The following ZFAT variants were observed in gnomAD, a reference collection of about 807,000 sequenced individuals.
ZFAT encodes the protein zinc finger and AT-hook domain containing, also known as zinc finger protein ZFAT.
In ZFAT, 64 loss-of-function variants were observed where a neutral mutation model predicts 117.7. That is an observed-to-expected ratio of 0.54 (90% CI 0.44 to 0.67). The LOEUF (loss-of-function observed/expected upper bound fraction) is 0.67, where lower values mean the gene tolerates loss of function less well. Ranked by LOEUF, ZFAT falls within the 30% of genes least tolerant of loss-of-function variation. The pLI, the probability that ZFAT is intolerant of heterozygous loss-of-function variation, is 0.00. For synonymous variants in ZFAT, 679 were observed against 615.0 expected, an observed-to-expected ratio of 1.10 and a Z score of -1.54; for missense variants, 1,433 against 1,584.5, an observed-to-expected ratio of 0.90 and a Z score of 1.62.
At chr8:134,741,986 C>T in the ZFAT span, among the ~76,000 whole-genome samples, 8 of 152,128 alleles carry the variant, frequency 5.3e-5, no homozygotes, top group African/African-American at 1.9e-4. Context: ...CCCAGCCCCA[C>T]TCCTGAGAAC....
the ZFAT span, among the ~76,000 whole-genome samples, chr8:134,756,010 T>C: frequency 6.6e-6 from 1 of 152,118 alleles, no homozygotes; most frequent in Non-Finnish European, 1.5e-5. Flanking sequence ...TCTGTCTTCC[T>C]TACTGGGATT....
At chr8:134,566,715 C>T (rs150530381) in intron 10 of ZFAT, among the ~76,000 whole-genome samples, 39 of 152,236 alleles carry the variant, frequency 2.6e-4, no homozygotes, top group African/African-American at 9.1e-4. Flanking sequence ...TAGATATTCC[C>T]CCTCCCCTCT....
intron 11 of ZFAT, 184 bp downstream of exon 11, chr8:134,565,149 G>A (rs1244698084): frequency 1.4e-5 from 21 of 1,528,146 alleles, no homozygotes; most frequent in Admixed American, 5.9e-5. Context: ...GCAATGCTAC[G>A]CTTCTGGAAC....
intron 9 of ZFAT, among the ~76,000 whole-genome samples, chr8:134,587,031 G>A (rs1353581650): frequency 6.6e-6 from 1 of 152,134 alleles, no homozygotes; most frequent in African/African-American, 2.4e-5. Context: ...GAGTGCTCAG[G>A]GCATAGGACT....
Position 134,521,017 on chromosome 8 carries a change from G to A in ZFAT, c.3116-16C>T, listed in dbSNP as rs1386461111. ...TTCAAACCACCTGAAAGCACAGACA[G>A]AGGTTAAAAAAAAAATGTGTTCGTA... On this transcript the variant is annotated splice_polypyrimidine_tract_variant and intron_variant, in intron 12 of 15. Coordinates refer to ENST00000377838, the MANE Select transcript of ZFAT (RefSeq NM_020863.4). 1.9e-6 allele frequency: 3 copies of A among 1,592,124 alleles called. No homozygotes were observed. The highest frequency in any genetic ancestry group is 1.7e-5 in the Admixed American group (1 of 57,398).
At chr8:134,696,252 G>A (rs1343990790) in intron 1 of ZFAT, among the ~76,000 whole-genome samples, 1 of 152,204 alleles carries the variant, frequency 6.6e-6, no homozygotes, top group African/African-American at 2.4e-5. Flanking sequence ...CCAGACCCAG[G>A]CCGCATCTCT....
At chr8:134,493,919 A>T (rs1296872308) in intron 15 of ZFAT, among the ~76,000 whole-genome samples, 1 of 152,260 alleles carries the variant, frequency 6.6e-6, no homozygotes, top group Non-Finnish European at 1.5e-5. Flanking sequence ...AGCTGTGCTA[A>T]AACAGTTCAG....
chr8:134,623,052 T>C (rs1182666146), intron 3 of ZFAT, among the ~76,000 whole-genome samples: 1 of 151,998 alleles, frequency 6.6e-6, no homozygotes, highest in Admixed American at 6.5e-5. Context: ...CCCTGATGGC[T>C]CCCCCAGGCC....
intron 1 of ZFAT, among the ~76,000 whole-genome samples, chr8:134,703,942 C>A (rs1834080121): frequency 6.6e-6 from 1 of 152,138 alleles, no homozygotes; most frequent in Admixed American, 6.5e-5. Context: ...AAGTCCCCTG[C>A]CATATGCCAG....
Position 134,478,384 on chromosome 8 carries a change from A to C in ZFAT, c.*98T>G. 1.4e-6 allele frequency: 2 copies of C among 1,474,398 alleles called. No individual in the cohort carries two copies. Among genetic ancestry groups the C allele is most frequent in the Non-Finnish European group, 1.8e-6 (2 of 1,108,356 alleles). 91.3% of individuals were successfully genotyped at this position (1,474,398 alleles called of 1,614,324 possible). ...CTGGGCAGGGAGGGCAAAGGAGAGC[A>C]CCATTCTGCGGGTAGGGCAGGAAGG... On this transcript the variant is annotated 3_prime_UTR_variant, in exon 16 of 16. Transcript: ENST00000377838. The surrounding 1 kb of genome is among the most constrained non-coding windows in gnomAD (Gnocchi z 5.2).
rs998293568 is a variant in ZFAT, at chr8:134,596,585, G to T, written c.2475+3851C>A. On this transcript the variant is annotated intron_variant, in intron 7 of 15. Transcript: ENST00000377838. ...TCTTAGGTGATTTCACAAAGAATTA[G>T]ATTGAATCCTGTGGATTTAAAACAC... 3.9e-5 allele frequency among the ~76,000 whole-genome samples: 6 copies of T among 152,140 alleles called. No individual in the cohort carries two copies. In the South Asian group the frequency reaches 6.2e-4, roughly 16 times the overall value.
chr8:134,687,247 G>A (rs986451822), intron 1 of ZFAT, among the ~76,000 whole-genome samples: 1 of 152,166 alleles, frequency 6.6e-6, no homozygotes, highest in African/African-American at 2.4e-5. Context: ...AACTCCCATA[G>A]CTCACACAGT....
the ZFAT span, among the ~76,000 whole-genome samples, chr8:134,757,076 G>A: frequency 6.9e-6 from 1 of 145,406 alleles, no homozygotes; most frequent in African/African-American, 2.6e-5. Context: ...GAGTGCAGTG[G>A]CACAATCTGG....
At chr8:134,668,052 G>A (rs541872945) in intron 1 of ZFAT, among the ~76,000 whole-genome samples, 6 of 152,160 alleles carry the variant, frequency 3.9e-5, no homozygotes, top group Non-Finnish European at 5.9e-5. Flanking sequence ...CGGCACTGAG[G>A]CTGGGGAAGG....
At chr8:134,539,089 C>A (rs936153824) in intron 11 of ZFAT, among the ~76,000 whole-genome samples, 2 of 152,160 alleles carry the variant, frequency 1.3e-5, no homozygotes, top group African/African-American at 4.8e-5. Context: ...GGGAATATAT[C>A]TCACCCGTGA....
chr8:134,507,070 A>C (rs1404103142), intron 15 of ZFAT, among the ~76,000 whole-genome samples: 3 of 152,226 alleles, frequency 2.0e-5, no homozygotes, highest in African/African-American at 7.2e-5. Context: ...CCTGACATCA[A>C]GGTCCCTCCC....
At chr8:134,535,240 G>A (rs75717832) in intron 11 of ZFAT, among the ~76,000 whole-genome samples, 1,555 of 152,292 alleles carry the variant, frequency 0.01, 37 homozygotes, top group African/African-American at 0.036. Flanking sequence ...GGATCTATAT[G>A]TTTTGTTGGG....
chr8:134,526,598 C>T (rs1457849144), intron 12 of ZFAT, among the ~76,000 whole-genome samples: 2 of 152,140 alleles, frequency 1.3e-5, no homozygotes, highest in Non-Finnish European at 2.9e-5. Context: ...TTTTGGAATG[C>T]AATATATTCT....
intron 3 of ZFAT, among the ~76,000 whole-genome samples, chr8:134,620,467 G>A (rs1287931287): frequency 6.6e-6 from 1 of 152,190 alleles, no homozygotes; most frequent in African/African-American, 2.4e-5. Context: ...GGCATTTAAA[G>A]TCCCCTATTG....
Sources: gnomAD v4.1 joint callset for allele counts (sites outside exome capture counted in the v4.1 genomes callset) on GRCh38, gnomAD v4.1.1 for gene constraint, Gnocchi (gnomAD v3.1) non-coding constraint, MANE v1.5 for transcripts, NCBI Gene and HGNC (gene_info 2026-07-23, HGNC 2026-07-21) for gene names.